Variants in TCF12 observed in about 807,000 individuals in gnomAD.
The protein encoded by TCF12 is DNA-binding protein HTF4.
Under a neutral mutation model 86.0 loss-of-function variants are expected in TCF12, and 45 were observed. The observed-to-expected ratio is 0.52, with a 90% CI of 0.41 to 0.67. TCF12 has a LOEUF of 0.67. TCF12 is among the 30% of genes least tolerant of loss of function. The pLI is 0.00. For missense variants in TCF12, 881 were observed against 859.9 expected (o/e 1.02, Z -0.31); for synonymous variants, 330 against 299.6 (o/e 1.10, Z -1.05).
rs1284825664 is a variant in TCF12, at chr15:57,282,691, C to T, written c.*11+93C>T. 4.9e-6 allele frequency: 7 copies of T among 1,421,420 alleles called. No homozygotes were observed. The South Asian group carries it at 6.7e-5, about 14-fold the overall frequency. The allele number at this position is 1,421,420 out of a possible 1,614,324, so 88.1% of individuals were successfully genotyped here. A position where few individuals can be genotyped will look rare whatever the true frequency, so the allele number is the denominator to read the frequency against. On this transcript the variant is annotated intron_variant, in intron 20 of 20. Transcript: ENST00000333725. ...TCTTTGAACAGAATTCTCTAGTGAGCAGTGGCCATTGTAAAGGTCACATGT... is the reference window on the plus strand; with the variant it reads ...TCTTTGAACAGAATTCTCTAGTGAGTAGTGGCCATTGTAAAGGTCACATGT...
intron 5 of TCF12, among the ~76,000 whole-genome samples, chr15:57,144,577 A>G (rs1431855707): frequency 6.6e-6 from 1 of 152,180 alleles, no homozygotes; most frequent in Admixed American, 6.5e-5. Context: ...AAGTCAAATC[A>G]TCAAATGACG....
intron 5 of TCF12, among the ~76,000 whole-genome samples, chr15:57,110,689 A>C (rs896641627): frequency 2.6e-5 from 4 of 152,154 alleles, no homozygotes; most frequent in Non-Finnish European, 1.5e-5. Flanking sequence ...GTCTATCTTT[A>C]CAGGTTGCTT....
chr15:57,209,180 C>CT (rs2057998901), intron 8 of TCF12, among the ~76,000 whole-genome samples: 1 of 152,166 alleles, frequency 6.6e-6, no homozygotes, highest in Non-Finnish European at 1.5e-5. Flanking sequence ...CTAAGCTGTA[C>CT]TTTTTAACTT....
chr15:56,918,116 C>T, upstream of TCF12: 1 of 440,002 alleles, frequency 2.3e-6, no homozygotes, highest in East Asian at 7.2e-5. Flanking sequence ...ATGGGTCTCC[C>T]GTCTCCACAC....
chr15:57,044,316 CT>C (rs1439761075), intron 3 of TCF12, among the ~76,000 whole-genome samples: 1 of 152,070 alleles, frequency 6.6e-6, no homozygotes, highest in Non-Finnish European at 1.5e-5. Context: ...AATCCCAGCA[CT>C]TTGGGAGGCC....
intron 3 of TCF12, among the ~76,000 whole-genome samples, chr15:56,972,638 T>C (rs1249318994): frequency 6.6e-6 from 1 of 152,088 alleles, no homozygotes; most frequent in Non-Finnish European, 1.5e-5. Context: ...TTAGTAGGTT[T>C]AGGGTAGAAA....
intron 5 of TCF12, among the ~76,000 whole-genome samples, chr15:57,137,104 C>G (rs1296875465): frequency 6.6e-6 from 1 of 151,358 alleles, no homozygotes; most frequent in Non-Finnish European, 1.5e-5. Context: ...CTCAGGCTCC[C>G]AAGTAGCTGG....
At chr15:57,247,988 C>T (rs566594080) in intron 13 of TCF12, 79 of 723,384 alleles carry the variant, frequency 1.1e-4, no homozygotes, top group Non-Finnish European at 1.6e-4. Flanking sequence ...TCCCCCACCA[C>T]CCCACCCCCA....
At chr15:57,142,179 A>G (rs1217083181) in intron 5 of TCF12, among the ~76,000 whole-genome samples, 1 of 152,216 alleles carries the variant, frequency 6.6e-6, no homozygotes, top group Non-Finnish European at 1.5e-5. Flanking sequence ...ATGTAAACAT[A>G]TTATAGATAA....
intron 12 of TCF12, among the ~76,000 whole-genome samples, chr15:57,241,785 G>A (rs1441824828): frequency 6.6e-6 from 1 of 151,994 alleles, no homozygotes; most frequent in Non-Finnish European, 1.5e-5. Context: ...CTGAGGTCAG[G>A]AGTTCAAGAC....
chr15:56,980,456 G>A (rs1283744884), intron 3 of TCF12, among the ~76,000 whole-genome samples: 1 of 152,106 alleles, frequency 6.6e-6, no homozygotes, highest in African/African-American at 2.4e-5. Context: ...GAAGAGGATG[G>A]CCCCACAATA....
intron 8 of TCF12, among the ~76,000 whole-genome samples, chr15:57,217,220 T>A (rs1448104145): frequency 6.6e-6 from 1 of 152,196 alleles, no homozygotes; most frequent in Non-Finnish European, 1.5e-5. Context: ...TGTTTAACAC[T>A]AAATCTTACT....
intron 6 of TCF12, among the ~76,000 whole-genome samples, chr15:57,177,226 GGAAA>G (rs1258308644): frequency 9.2e-5 from 14 of 151,670 alleles, no homozygotes; most frequent in African/African-American, 2.9e-4. Context: ...ATTGTTTTGT[GGAAA>G]GAAAGTCTGA....
intron 13 of TCF12, among the ~76,000 whole-genome samples, chr15:57,244,640 T>C (rs971661000): frequency 6.6e-6 from 1 of 152,090 alleles, no homozygotes; most frequent in African/African-American, 2.4e-5. Flanking sequence ...TTGTATTTTT[T>C]TGTAGAGATG....
chr15:57,045,227 A>G (rs1249327113), intron 3 of TCF12, among the ~76,000 whole-genome samples: 1 of 152,192 alleles, frequency 6.6e-6, no homozygotes, highest in Non-Finnish European at 1.5e-5. Flanking sequence ...TTTCCTTTTC[A>G]CAAAAGGAAC....
intron 3 of TCF12, among the ~76,000 whole-genome samples, chr15:56,965,455 T>C (rs2061960642): frequency 6.6e-6 from 1 of 152,200 alleles, no homozygotes; most frequent in African/African-American, 2.4e-5. Context: ...ACAAAAACTT[T>C]TTGAGATTTT....
At chr15:57,014,823 A>G (rs2065051825) in intron 3 of TCF12, among the ~76,000 whole-genome samples, 1 of 151,780 alleles carries the variant, frequency 6.6e-6, no homozygotes, top group East Asian at 1.9e-4. Context: ...CTTATGGGTC[A>G]AGATATGGGG....
At chr15:57,172,166 AAG>A (rs1411910045) in intron 6 of TCF12, among the ~76,000 whole-genome samples, 6 of 152,182 alleles carry the variant, frequency 3.9e-5, no homozygotes, top group African/African-American at 1.4e-4. Context: ...AAAATAATAA[AAG>A]AGTTGATGTA....
chr15:56,958,657 G>C (rs1460567180), intron 3 of TCF12, among the ~76,000 whole-genome samples: 2 of 113,316 alleles, frequency 1.8e-5, no homozygotes, highest in Non-Finnish European at 3.8e-5. Flanking sequence ...GCCTGTATAT[G>C]AGAAAGAGAG....
Sources: allele counts gnomAD v4.1 joint callset (sites outside exome capture counted in the v4.1 genomes callset), GRCh38; gene constraint gnomAD v4.1.1; transcripts MANE v1.5; gene names NCBI Gene and HGNC (gene_info 2026-07-23, HGNC 2026-07-21).